RAP1GAP2: variants seen among roughly 807,000 people sequenced by gnomAD.
RAP1GAP2 encodes the protein rap1 GTPase-activating protein 2.
A neutral mutation model predicts 95.0 loss-of-function variants in RAP1GAP2; 27 were observed. The ratio of observed to expected loss-of-function variants is 0.28; its 90% CI spans 0.21 to 0.39. The LOEUF (loss-of-function observed/expected upper bound fraction) is 0.39. Ranked by LOEUF, RAP1GAP2 falls within the 10% of genes least tolerant of loss-of-function variation. RAP1GAP2 has a pLI of 1.00. For synonymous variants in RAP1GAP2, 373 were observed against 380.9 expected (o/e 0.98, Z 0.24); for missense variants, 771 against 970.0 (o/e 0.79, Z 2.72).
intron 3 of RAP1GAP2, among the ~76,000 whole-genome samples, chr17:2,943,396 G>A (rs1357382802): frequency 6.6e-6 from 1 of 152,208 alleles, no homozygotes; most frequent in East Asian, 1.9e-4. Context: ...CTATAGGGGT[G>A]GGTACAGTGC....
chr17:2,811,007 A>C (rs1307443208), intron 2 of RAP1GAP2, among the ~76,000 whole-genome samples: 2 of 151,958 alleles, frequency 1.3e-5, no homozygotes, highest in Non-Finnish European at 2.9e-5. Flanking sequence ...CTGTAACTGC[A>C]TTGCTCGGTC....
At position 2,964,266 on chromosome 17, in the gene RAP1GAP2, G is replaced by T. The variant is rs1403471856; in HGVS notation, c.492+198G>T. Among the ~76,000 whole-genome samples, 8 of 104,606 alleles carry T rather than the reference G, an allele frequency of 7.6e-5. 1 individual carries two copies. The highest frequency in any genetic ancestry group is 2.0e-5 in the Non-Finnish European group (1 of 50,296). 68.6% of individuals were successfully genotyped at this position (104,606 alleles called of 152,430 possible). A position where few individuals can be genotyped will look rare whatever the true frequency, so the allele number is the denominator to read the frequency against. On this transcript the variant is annotated intron_variant, in intron 7 of 24. Transcript: ENST00000254695. ...GCTGCCGGGGATGGGGGTGAGGCTG[G>T]GGGAGGCTGTGGGAGAGGAGCTGCG...
intron 11 of RAP1GAP2, among the ~76,000 whole-genome samples, chr17:2,990,550 G>A (rs1210787516): frequency 6.6e-6 from 1 of 150,410 alleles, no homozygotes; most frequent in African/African-American, 2.4e-5. Flanking sequence ...TGAAGTTGCC[G>A]GATCATATGG....
rs1309428763 is a variant in RAP1GAP2 at position 2,969,183 on chromosome 17, A to ATC, written c.596+3541_596+3542insCT. Among the ~76,000 whole-genome samples, 106 of 73,216 alleles carry ATC rather than the reference A, an allele frequency of 1.4e-3. 1 individual carries two copies. The highest frequency in any genetic ancestry group is 7.1e-3 in the Middle Eastern group (1 of 140). The allele number at this position is 73,216 out of a possible 152,430, so 48.0% of individuals were successfully genotyped here. On this transcript the variant is annotated intron_variant, in intron 8 of 24. Coordinates refer to ENST00000254695, the MANE Select transcript of RAP1GAP2 (RefSeq NM_015085.5). ...TTTCTTTATCTATCTATCTATCTATATATATATATATCTGTTTCTGTATCT... is the reference window on the plus strand; with the variant it reads ...TTTCTTTATCTATCTATCTATCTATATCTATATATATATCTGTTTCTGTATCT...
chr17:3,027,789 G>GA lies in RAP1GAP2; in HGVS notation c.2107+719_2107+720insA, dbSNP rs2047173615. Among the ~76,000 whole-genome samples, 1 of 143,342 alleles carries GA rather than the reference G, an allele frequency of 7.0e-6. No individual in the cohort carries two copies. The highest frequency in any genetic ancestry group is 1.5e-5 in the Non-Finnish European group (1 of 65,234). 94.0% of individuals were successfully genotyped at this position (143,342 alleles called of 152,430 possible). ...CAGGAGCAGAGGGGAGGGATGGAGG[G>GA]GAGGGGAGAGGAGGGGAGGGGAGCT... On this transcript the variant is annotated intron_variant, in intron 22 of 24. Coordinates refer to ENST00000254695, the MANE Select transcript of RAP1GAP2 (RefSeq NM_015085.5). This position sits in a 1 kb window ranked among gnomAD's most constrained non-coding sequence, Gnocchi z 5.2.
rs1193597954 is a variant in RAP1GAP2, at chr17:2,904,568, G to GTGTGTGTGTGTGTGTGTGTGTGTGTA, written c.81-715_81-714insGTGTGTGTGTGTGTGTGTGTGTGTAT. Among the ~76,000 whole-genome samples, 2 of 151,490 alleles carry GTGTGTGTGTGTGTGTGTGTGTGTGTA rather than the reference G, an allele frequency of 1.3e-5. No homozygotes were observed. The highest frequency in any genetic ancestry group is 4.9e-5 in the African/African-American group (2 of 41,236). On this transcript the variant is annotated intron_variant, in intron 2 of 24. Transcript: ENST00000254695. This position sits in a 1 kb window ranked among gnomAD's most constrained non-coding sequence, Gnocchi z 4.7. ...TGTGTGTGTGTGTGTGTGTGTGTGT[G>GTGTGTGTGTGTGTGTGTGTGTGTGTA]TACGTGCAGAGGGGCTCAAGGGAGA...
chr17:2,991,329 G>A lies in RAP1GAP2; in HGVS notation c.846G>A (p.Glu282=), dbSNP rs1482905005. ...AGGAGGAGCTATTTGGGAACAATGA[G>A]GAGAGCCCAGCTTTTAAGGAGTTCT... ...TLEEELFGNN[E]ESPAFKEFLD... Residue 282 remains glutamate (E), a synonymous_variant, in exon 12 of 25, where the codon GAG becomes GAA. Transcript: ENST00000254695. 1.2e-6 allele frequency: 2 copies of A among 1,606,286 alleles called. No individual in the cohort carries two copies. Among genetic ancestry groups the A allele is most frequent in the East Asian group, 2.2e-5 (1 of 44,776 alleles).
At chr17:2,970,273 C>CAAAAAAAAA (rs869121536) in intron 8 of RAP1GAP2, among the ~76,000 whole-genome samples, 11 of 109,598 alleles carry the variant, frequency 1.0e-4, no homozygotes, top group African/African-American at 2.1e-4. Context: ...GACTCTGTCT[C>CAAAAAAAAA]AAAAAAAAAA....
At chr17:2,858,428 T>A (rs2072237580) in intron 2 of RAP1GAP2, among the ~76,000 whole-genome samples, 2 of 152,128 alleles carry the variant, frequency 1.3e-5, no homozygotes, top group Admixed American at 6.6e-5. Context: ...TTGTGAAAAT[T>A]CTCAAGCATA....
rs771017711 is a variant in RAP1GAP2 at position 3,003,670 on chromosome 17, TCTCC to T, written c.1201-1690_1201-1687del. 6.6e-5 allele frequency among the ~76,000 whole-genome samples: 10 copies of T among 152,072 alleles called. No individual in the cohort carries two copies. The highest frequency in any genetic ancestry group is 5.9e-5 in the Non-Finnish European group (4 of 68,010). ...CCCCAGAGTCACCTGCATCTGCCTC[TCTCC>T]CTCCCTCCAAGCCCTCGCTGGAGGC... On this transcript the variant is annotated intron_variant, in intron 14 of 24. Coordinates refer to ENST00000254695, the MANE Select transcript of RAP1GAP2 (RefSeq NM_015085.5). This position sits in a 1 kb window ranked among gnomAD's most constrained non-coding sequence, Gnocchi z 4.1.
intron 3 of RAP1GAP2, among the ~76,000 whole-genome samples, chr17:2,905,896 G>A (rs1235822903): frequency 1.3e-5 from 2 of 152,160 alleles, no homozygotes; most frequent in Non-Finnish European, 2.9e-5. Flanking sequence ...CACAGTCCAG[G>A]CTGCTAGGCC....
chr17:2,776,171 T>C (rs764641875), upstream of RAP1GAP2, among the ~76,000 whole-genome samples: 13 of 115,898 alleles, frequency 1.1e-4, no homozygotes, highest in Non-Finnish European at 1.8e-4. Context: ...AGAGCAAGAC[T>C]CTGTCTCATA....
chr17:2,811,386 C>T (rs748779649), intron 2 of RAP1GAP2, among the ~76,000 whole-genome samples: 3 of 152,170 alleles, frequency 2.0e-5, no homozygotes, highest in East Asian at 1.9e-4. Flanking sequence ...AGGGTCGGGA[C>T]GTGAGGGGCT....
intron 3 of RAP1GAP2, among the ~76,000 whole-genome samples, chr17:2,954,295 G>T (rs4790381): frequency 0.56 from 84,826 of 151,474 alleles, 25,257 homozygotes; most frequent in Admixed American, 0.69. Flanking sequence ...TAGTAGAGAC[G>T]GGGTTTCACC....
intron 3 of RAP1GAP2, among the ~76,000 whole-genome samples, chr17:2,923,430 C>G (rs2042858288): frequency 6.6e-6 from 1 of 151,738 alleles, no homozygotes; most frequent in African/African-American, 2.4e-5. Context: ...CTCCCAGGCT[C>G]CAGAGATTCT....
rs1321710384 is a variant in RAP1GAP2 at position 2,871,756 on chromosome 17, C to A, written c.81-33528C>A. Among the ~76,000 whole-genome samples the A allele has an allele frequency of 1.3e-5, 2 of 152,170 alleles. No homozygotes were observed. Among genetic ancestry groups the A allele is most frequent in the African/African-American group, 4.8e-5 (2 of 41,434 alleles). The stretch of plus-strand genomic sequence containing the variant: ...TATCCTCCTTGACCCAGTGAGCCAC[C>A]TCTGGGGATCTGTCAGATGTGCATC... On this transcript the variant is annotated intron_variant, in intron 2 of 24. Transcript: ENST00000254695. This position sits in a 1 kb window ranked among gnomAD's most constrained non-coding sequence, Gnocchi z 5.0.
intron 8 of RAP1GAP2, among the ~76,000 whole-genome samples, chr17:2,966,637 T>C (rs1381397421): frequency 6.6e-6 from 1 of 152,198 alleles, no homozygotes; most frequent in Non-Finnish European, 1.5e-5. Context: ...TTAGTTTGTT[T>C]CTTATCAAGA....
At chr17:2,981,165 C>T (rs760192651) in intron 9 of RAP1GAP2, 30 bp from the exon 10 acceptor site, 1 of 1,604,232 alleles carries the variant, frequency 6.2e-7, no homozygotes, top group South Asian at 1.1e-5. Context: ...AGATATCATC[C>T]CTGACCTGCG....
chr17:2,790,695 C>T (rs540702410), intron 1 of RAP1GAP2, among the ~76,000 whole-genome samples: 22 of 152,342 alleles, frequency 1.4e-4, no homozygotes, highest in African/African-American at 5.1e-4. Flanking sequence ...TGCCTCATCC[C>T]CATGCCTGGG....
Sources: allele counts gnomAD v4.1 joint callset (sites outside exome capture counted in the v4.1 genomes callset), GRCh38; gene constraint gnomAD v4.1.1; non-coding constraint Gnocchi (gnomAD v3.1); transcripts MANE v1.5; gene names NCBI Gene and HGNC (gene_info 2026-07-23, HGNC 2026-07-21).